The following EPYC variants were observed in gnomAD, a reference collection of about 807,000 sequenced individuals.
The protein encoded by EPYC is dermatan sulfate proteoglycan 3.
EPYC carries 28 observed loss-of-function variants against 30.1 expected under a neutral mutation model. The ratio of observed to expected loss-of-function variants is 0.93; its 90% CI spans 0.69 to 1.28. The LOEUF is 1.28. Ranked by LOEUF, EPYC falls within the 50% of genes most tolerant of loss-of-function variation. EPYC has a pLI of 0.00. For synonymous variants in EPYC, 144 were observed against 141.4 expected, an observed-to-expected ratio of 1.02 and a Z score of -0.13; for missense variants, 382 against 383.5, an observed-to-expected ratio of 1.00 and a Z score of 0.03.
chr12:90,973,972 C>T (rs1397580975), intron 3 of EPYC, among the ~76,000 whole-genome samples: 1 of 150,400 alleles, frequency 6.6e-6, no homozygotes, highest in Non-Finnish European at 1.5e-5. Context: ...GCAATGGAAC[C>T]AAAAATGTTT....
At chr12:90,995,560 G>A (rs181187640) in intron 2 of EPYC, among the ~76,000 whole-genome samples, 42 of 151,628 alleles carry the variant, frequency 2.8e-4, no homozygotes, top group African/African-American at 8.7e-4. Flanking sequence ...GAAAACTCGG[G>A]GCAAAATTCT....
intron 6 of EPYC, among the ~76,000 whole-genome samples, chr12:90,964,839 G>A (rs534892016): frequency 1.4e-4 from 22 of 152,188 alleles, no homozygotes; most frequent in African/African-American, 4.8e-4. Context: ...GCAAATATCC[G>A]GAAGATAAGC....
chr12:90,967,737 C>G (rs1203418353), intron 6 of EPYC, among the ~76,000 whole-genome samples: 1 of 152,092 alleles, frequency 6.6e-6, no homozygotes, highest in Non-Finnish European at 1.5e-5. Context: ...CTTTGGGAGG[C>G]CAATTCAGGA....
At position 90,964,078 on chromosome 12, in the gene EPYC, G is replaced by T. The variant is rs1386759539; in HGVS notation, c.*78C>A. ...TCAGAACACAATCTCAAAGTATCAT[G>T]CTGAGTTTTGTTTTGGAAGAGAGCA... On this transcript the variant is annotated 3_prime_UTR_variant, in exon 7 of 7. Coordinates refer to ENST00000261172, the MANE Select transcript of EPYC (RefSeq NM_004950.5). 9 of 1,169,226 alleles carry T rather than the reference G, an allele frequency of 7.7e-6. No homozygotes were observed. The highest frequency in any genetic ancestry group is 1.1e-5 in the Non-Finnish European group (9 of 816,900). 72.4% of individuals were successfully genotyped at this position (1,169,226 alleles called of 1,614,324 possible).
At chr12:90,981,978 G>A (rs1053523352) in intron 2 of EPYC, among the ~76,000 whole-genome samples, 1 of 152,052 alleles carries the variant, frequency 6.6e-6, no homozygotes, top group African/African-American at 2.4e-5. Context: ...CTACCTTTAT[G>A]AATGAATAAA....
chr12:90,963,862 T>C lies in EPYC; in HGVS notation c.*294A>G, dbSNP rs745804834. The stretch of plus-strand genomic sequence containing the variant: ...ATTATGTACTTAATTTGAAATGATA[T>C]AGGATATGAACTCCTAAAACTTGCA... On this transcript the variant is annotated 3_prime_UTR_variant, in exon 7 of 7. Coordinates refer to ENST00000261172, the MANE Select transcript of EPYC (RefSeq NM_004950.5). The C allele has an allele frequency of 1.4e-5, 3 of 208,582 alleles. No individual in the cohort carries two copies. Among genetic ancestry groups the C allele is most frequent in the Middle Eastern group, 1.8e-3 (1 of 568 alleles). 12.9% of individuals were successfully genotyped at this position (208,582 alleles called of 1,614,324 possible). A position where few individuals can be genotyped will look rare whatever the true frequency, so the allele number is the denominator to read the frequency against.
Position 90,975,468 on chromosome 12 carries a change from G to T in EPYC, c.341-2488C>A, listed in dbSNP as rs1877158599. Among the ~76,000 whole-genome samples, 4 of 152,020 alleles carry T rather than the reference G, an allele frequency of 2.6e-5. No homozygotes were observed. The South Asian group carries it at 8.3e-4, about 32-fold the overall frequency. On this transcript the variant is annotated intron_variant, in intron 3 of 6. Coordinates refer to ENST00000261172, the MANE Select transcript of EPYC (RefSeq NM_004950.5). ...TATTTCTAAACTAATTTTGATGAAT[G>T]TGTGCCTCTTCTTTGGAAATTAAAA...
At position 90,973,086 on chromosome 12, in the gene EPYC, A is replaced by C. The variant is rs537579110; in HGVS notation, c.341-106T>G. The C allele has an allele frequency of 1.1e-3, 676 of 604,958 alleles. 2 individuals carry two copies. Among genetic ancestry groups the C allele is most frequent in the Non-Finnish European group, 1.0e-3 (388 of 389,736 alleles). 37.5% of individuals were successfully genotyped at this position (604,958 alleles called of 1,614,324 possible). On this transcript the variant is annotated intron_variant, in intron 3 of 6. Coordinates refer to ENST00000261172, the MANE Select transcript of EPYC (RefSeq NM_004950.5). ...GATTAGAGTCTCCCACTAACCAAGT[A>C]GATTTTATATTTTCTCGTAATGCTT...
chr12:90,970,021 G>T (rs201705652), intron 6 of EPYC, 23 bp downstream of exon 6: 8 of 1,569,542 alleles, frequency 5.1e-6, no homozygotes, highest in South Asian at 4.4e-5. Flanking sequence ...GCCCTTGGGC[G>T]CACCTTACTG....
chr12:90,997,328 A>C (rs1430959008), intron 2 of EPYC, among the ~76,000 whole-genome samples: 1 of 118,584 alleles, frequency 8.4e-6, no homozygotes, highest in Non-Finnish European at 1.9e-5. Flanking sequence ...GGAGTTTATT[A>C]ATCTGGATGA....
intron 5 of EPYC, among the ~76,000 whole-genome samples, chr12:90,971,378 C>A (rs1339109546): frequency 6.6e-6 from 1 of 152,116 alleles, no homozygotes; most frequent in East Asian, 1.9e-4. Flanking sequence ...AAATTAAATC[C>A]CCTTATAGAA....
intron 3 of EPYC, 28 bp from the exon 4 acceptor site, chr12:90,973,008 A>G: frequency 6.8e-7 from 1 of 1,467,084 alleles, no homozygotes; most frequent in Non-Finnish European, 9.3e-7. Context: ...ATAAAATTAA[A>G]TGTAAGTACC....
chr12:91,002,375 G>A (rs1472945525), intron 2 of EPYC, 26 bp downstream of exon 2: 1 of 1,596,918 alleles, frequency 6.3e-7, no homozygotes, highest in South Asian at 1.1e-5. Flanking sequence ...GCTTTTTAAA[G>A]TTTCAAGAGT....
intron 2 of EPYC, 126 bp from the exon 3 acceptor site, chr12:90,978,388 A>G (rs1222086253): frequency 2.4e-6 from 2 of 849,494 alleles, no homozygotes; most frequent in East Asian, 3.1e-5. Flanking sequence ...AAAGTTCAAT[A>G]GTTTGACCAT....
At chr12:90,999,000 T>C (rs1877761106) in intron 2 of EPYC, among the ~76,000 whole-genome samples, 1 of 152,096 alleles carries the variant, frequency 6.6e-6, no homozygotes, top group Admixed American at 6.6e-5. Context: ...CCTTCTATCT[T>C]TTAAGTCATC....
At position 90,992,853 on chromosome 12, in the gene EPYC, G is replaced by A. The variant is rs192562217; in HGVS notation, c.165+9548C>T. Among the ~76,000 whole-genome samples the A allele has an allele frequency of 2.9e-3, 434 of 152,226 alleles. 1 individual carries two copies. Among genetic ancestry groups the A allele is most frequent in the Non-Finnish European group, 4.7e-3 (320 of 68,006 alleles). ...GAGTGGGATCTGAGTATTTGCATTC[G>A]TGACTAGCTCCCAGGTGATGCTGAT... is the stretch of plus-strand genomic sequence containing the variant. On this transcript the variant is annotated intron_variant, in intron 2 of 6. Coordinates refer to ENST00000261172, the MANE Select transcript of EPYC (RefSeq NM_004950.5).
chr12:90,984,443 A>G (rs187328082), intron 2 of EPYC, among the ~76,000 whole-genome samples: 4 of 152,146 alleles, frequency 2.6e-5, no homozygotes, highest in South Asian at 2.1e-4. Flanking sequence ...GACCAATTTG[A>G]CCCACAAACT....
chr12:90,993,953 T>C (rs892157615), intron 2 of EPYC, among the ~76,000 whole-genome samples: 2 of 152,128 alleles, frequency 1.3e-5, no homozygotes, highest in African/African-American at 2.4e-5. Context: ...TTCAAGAACA[T>C]CATTTCTCAG....
At chr12:90,970,209 G>T in intron 5 of EPYC, 70 bp from the exon 6 acceptor site, 1 of 1,112,536 alleles carries the variant, frequency 9.0e-7, no homozygotes, top group Non-Finnish European at 1.4e-6. Flanking sequence ...AAAAAACACA[G>T]CTGTATTTCC....
Sources: gnomAD v4.1 joint callset for allele counts (sites outside exome capture counted in the v4.1 genomes callset) on GRCh38, gnomAD v4.1.1 for gene constraint, MANE v1.5 for transcripts, NCBI Gene and HGNC (gene_info 2026-07-23, HGNC 2026-07-21) for gene names.